The following PLCB1 variants were observed in gnomAD, a reference collection of about 807,000 sequenced individuals.
PLCB1 encodes phospholipase C beta 1.
PLCB1 carries 46 observed loss-of-function variants against 161.8 expected under a neutral mutation model. The ratio of observed to expected loss-of-function variants is 0.28; its 90% CI spans 0.22 to 0.36. The LOEUF (loss-of-function observed/expected upper bound fraction) is 0.36, where lower values mean the gene tolerates loss of function less well. Among genes scored for constraint, PLCB1 ranks in the 10% least tolerant of loss-of-function variants. The probability of loss-of-function intolerance (pLI) is 1.00; values close to 1 mark genes in which losing one functional copy is unlikely to be tolerated. For missense variants in PLCB1, 1,016 were observed against 1,472.5 expected (o/e 0.69, Z 5.07); for synonymous variants, 517 against 503.7 (o/e 1.03, Z -0.35).
chr20:8,342,375 G>A (rs545516394), intron 2 of PLCB1, among the ~76,000 whole-genome samples: 1 of 152,296 alleles, frequency 6.6e-6, no homozygotes, highest in Admixed American at 6.5e-5. Flanking sequence ...CCTAGTTAAA[G>A]CAAAATAAGG....
At chr20:8,155,767 G>A (rs2051552452) in intron 2 of PLCB1, among the ~76,000 whole-genome samples, 1 of 152,114 alleles carries the variant, frequency 6.6e-6, no homozygotes, top group Non-Finnish European at 1.5e-5. Context: ...TCCACTGAGT[G>A]ATTAAATGCA....
At chr20:8,315,789 G>A (rs1045088595) in intron 2 of PLCB1, among the ~76,000 whole-genome samples, 1 of 152,290 alleles carries the variant, frequency 6.6e-6, no homozygotes. Flanking sequence ...AGAAGCCTGA[G>A]TGTTTGCCTA....
chr20:8,438,863 T>C lies in PLCB1; in HGVS notation c.246+67413T>C, dbSNP rs576371193. Among the ~76,000 whole-genome samples the C allele has an allele frequency of 2.6e-5, 4 of 152,308 alleles. No individual in the cohort carries two copies. The South Asian group carries it at 8.3e-4, about 32-fold the overall frequency. On this transcript the variant is annotated intron_variant, in intron 3 of 31. Transcript: ENST00000338037. ...GTTATTTCACCTGGCCCCAAGACGA[T>C]GCAAGGCACCCACTCTGCTTTTTTT... is the stretch of plus-strand genomic sequence containing the variant.
intron 10 of PLCB1, among the ~76,000 whole-genome samples, chr20:8,691,250 TATAAA>T (rs1364525087): frequency 6.6e-6 from 1 of 152,110 alleles, no homozygotes; most frequent in African/African-American, 2.4e-5. Context: ...TTAAGAATGT[TATAAA>T]ATAAAAATAT....
Position 8,708,720 on chromosome 20 carries a change from A to G in PLCB1, c.1218A>G (p.Pro406=), listed in dbSNP as rs749219666. 1.2e-6 allele frequency: 2 copies of G among 1,613,262 alleles called. No individual in the cohort carries two copies. The highest frequency in any genetic ancestry group is 2.2e-5 in the South Asian group (2 of 91,048). ...AECAFKTSPF[P]ILLSFENHVD... is the part of the protein sequence containing the mutation. ...GTGCATTTAAGACTTCACCTTTTCCAATTCTCCTTTCGTTTGAGAACCATG... is the reference window on the plus strand; with the variant it reads ...GTGCATTTAAGACTTCACCTTTTCCGATTCTCCTTTCGTTTGAGAACCATG... Residue 406 remains proline, a synonymous_variant, in exon 12 of 32, where the codon CCA becomes CCG. Coordinates refer to ENST00000338037, the MANE Select transcript of PLCB1 (RefSeq NM_015192.4).
intron 31 of PLCB1, among the ~76,000 whole-genome samples, chr20:8,804,676 C>T (rs1159225092): frequency 1.3e-5 from 2 of 151,882 alleles, no homozygotes; most frequent in African/African-American, 4.8e-5. Flanking sequence ...CAGCTGAAAA[C>T]AAAATGATGA....
chr20:8,788,713 A>G lies in PLCB1; in HGVS notation c.3269A>G (p.Gln1090Arg), dbSNP rs1203237372. ...ITEAKSKDKS[Q>R]MEEEKTEMIR... ...GAAGCTAAATCCAAAGACAAAAGTC[A>G]GATGGAAGAGTAAGTCAAAAGTGTC... The change falls in exon 29 of 32, where the codon CAG (glutamine) becomes CGG (arginine). Residue 1090 changes from glutamine (Q) to arginine (R), a missense_variant. This residue lies in a region of PLCB1 where 398 missense variants were observed against 445.4 expected (regional missense o/e 0.89). Coordinates refer to ENST00000338037, the MANE Select transcript of PLCB1 (RefSeq NM_015192.4). The G allele has an allele frequency of 6.2e-7, 1 of 1,604,424 alleles. No individual in the cohort carries two copies. The highest frequency in any genetic ancestry group is 1.1e-5 in the South Asian group (1 of 89,748).
At chr20:8,238,956 G>A (rs1000144683) in intron 2 of PLCB1, among the ~76,000 whole-genome samples, 2 of 151,766 alleles carry the variant, frequency 1.3e-5, no homozygotes, top group Admixed American at 6.6e-5. Flanking sequence ...ATCATTGGTC[G>A]AAAGACTTTT....
At chr20:8,767,823 C>T (rs991802137) in intron 26 of PLCB1, among the ~76,000 whole-genome samples, 1 of 152,168 alleles carries the variant, frequency 6.6e-6, no homozygotes, top group Non-Finnish European at 1.5e-5. Flanking sequence ...GTAAAAAGTA[C>T]AGCAAACTGG....
chr20:8,242,660 G>C, intron 2 of PLCB1, among the ~76,000 whole-genome samples: 1 of 151,980 alleles, frequency 6.6e-6, no homozygotes, highest in East Asian at 1.9e-4. Flanking sequence ...AGAGAGAAAA[G>C]AGAGGAATGG....
chr20:8,666,683 C>T (rs1989819968), intron 9 of PLCB1, among the ~76,000 whole-genome samples: 2 of 152,188 alleles, frequency 1.3e-5, no homozygotes, highest in Admixed American at 1.3e-4. Context: ...ACAGGACTTG[C>T]TTAGAAAAAA....
intron 3 of PLCB1, among the ~76,000 whole-genome samples, chr20:8,559,234 C>T (rs1451267422): frequency 6.6e-6 from 1 of 151,894 alleles, no homozygotes; most frequent in East Asian, 1.9e-4. Flanking sequence ...TAATTGTATA[C>T]TCTTGAAGTT....
At chr20:8,391,634 T>G (rs1024685476) in intron 3 of PLCB1, among the ~76,000 whole-genome samples, 2 of 151,844 alleles carry the variant, frequency 1.3e-5, no homozygotes, top group Non-Finnish European at 2.9e-5. Context: ...TGATTTGTCT[T>G]GCTAGTTGGA....
At chr20:8,555,771 A>G (rs1985932450) in intron 3 of PLCB1, among the ~76,000 whole-genome samples, 1 of 152,126 alleles carries the variant, frequency 6.6e-6, no homozygotes, top group South Asian at 2.1e-4. Flanking sequence ...TCATCAAAAC[A>G]TCTGAAAATT....
chr20:8,498,580 A>G (rs1600108719), intron 3 of PLCB1, among the ~76,000 whole-genome samples: 1 of 152,180 alleles, frequency 6.6e-6, no homozygotes, highest in East Asian at 1.9e-4. Flanking sequence ...GCGGCGGGGA[A>G]CATCCGGAAA....
At chr20:8,148,450 A>G (rs1401891036) in intron 1 of PLCB1, among the ~76,000 whole-genome samples, 1 of 152,190 alleles carries the variant, frequency 6.6e-6, no homozygotes, top group African/African-American at 2.4e-5. Flanking sequence ...TATTTTTCAA[A>G]CTGCATGTTA....
intron 2 of PLCB1, among the ~76,000 whole-genome samples, chr20:8,361,113 T>A (rs1271740254): frequency 3.3e-5 from 5 of 152,154 alleles, no homozygotes; most frequent in African/African-American, 1.2e-4. Flanking sequence ...CAGGGCTGAA[T>A]CAAAACATGT....
chr20:8,526,043 T>C (rs1392129696), intron 3 of PLCB1, among the ~76,000 whole-genome samples: 2 of 152,140 alleles, frequency 1.3e-5, no homozygotes, highest in Non-Finnish European at 2.9e-5. Flanking sequence ...ATAGGGCATA[T>C]GAGTGGCTTA....
chr20:8,132,408 C>T lies in PLCB1; in HGVS notation c.-244C>T. Reference sequence around the variant, plus strand: ...TTCGCCTTCCGAGGCTCCTCATCCACCGCGGGCTCCAGACCTCGCGTCCCG... The same window carrying T: ...TTCGCCTTCCGAGGCTCCTCATCCATCGCGGGCTCCAGACCTCGCGTCCCG... On this transcript the variant is annotated 5_prime_UTR_variant, in exon 1 of 32. Transcript: ENST00000338037. This position sits in a 1 kb window ranked among gnomAD's most constrained non-coding sequence, Gnocchi z 5.2. 2 of 291,212 alleles carry T rather than the reference C, an allele frequency of 6.9e-6. No individual in the cohort carries two copies. Among genetic ancestry groups the T allele is most frequent in the Non-Finnish European group, 1.3e-5 (2 of 158,040 alleles). The allele number at this position is 291,212 out of a possible 1,614,324, so 18.0% of individuals were successfully genotyped here.
Sources: gnomAD v4.1 joint callset for allele counts (sites outside exome capture counted in the v4.1 genomes callset) on GRCh38, gnomAD v4.1.1 for gene constraint, gnomAD v4.1.1 regional missense constraint, Gnocchi (gnomAD v3.1) non-coding constraint, MANE v1.5 for transcripts, NCBI Gene and HGNC (gene_info 2026-07-23, HGNC 2026-07-21) for gene names.